The following SLC9C1 variants were observed in gnomAD, a reference collection of about 807,000 sequenced individuals.
SLC9C1 encodes solute carrier family 9 member C1, also known as sodium/hydrogen exchanger 10.
A neutral mutation model predicts 140.9 loss-of-function variants in SLC9C1; 97 were observed. That is an observed-to-expected ratio of 0.69 (90% CI 0.58 to 0.82). The LOEUF is 0.82. Ranked by LOEUF, SLC9C1 falls within the 40% of genes least tolerant of loss-of-function variation. SLC9C1 has a pLI of 0.00. For missense variants in SLC9C1, 1,340 were observed against 1,389.3 expected, an observed-to-expected ratio of 0.96 and a Z score of 0.56; for synonymous variants, 440 against 442.6, an observed-to-expected ratio of 0.99 and a Z score of 0.07.
intron 2 of SLC9C1, among the ~76,000 whole-genome samples, chr3:112,284,964 T>C (rs1658721252): frequency 6.7e-6 from 1 of 149,492 alleles, no homozygotes; most frequent in Non-Finnish European, 1.5e-5. Flanking sequence ...TTTTACATTA[T>C]TAGAAAAAAA....
intron 14 of SLC9C1, among the ~76,000 whole-genome samples, chr3:112,219,787 G>A (rs1047210564): frequency 6.6e-6 from 1 of 151,940 alleles, no homozygotes; most frequent in Admixed American, 6.6e-5. Context: ...CACCATATTG[G>A]TCAGGCTGGT....
chr3:112,231,391 C>A lies in SLC9C1; in HGVS notation c.1542G>T (p.Leu514=), dbSNP rs1188137701. The change falls in exon 13 of 29, where the codon CTG becomes CTT. Residue 514 remains leucine, a synonymous_variant. Transcript: ENST00000305815. ...DEIFNTEAME[L]ANRRLLSAQI... is the part of the protein sequence containing the mutation. ...GTGCTGACAAGAGACGCCTGTTGGC[C>A]AGCTCCATTGCTTCAGTGTTAAAGA... 3 of 1,613,316 alleles carry A rather than the reference C, an allele frequency of 1.9e-6. No homozygotes were observed. Among genetic ancestry groups the A allele is most frequent in the South Asian group, 2.2e-5 (2 of 91,036 alleles).
chr3:112,238,883 C>T (rs983566676), intron 12 of SLC9C1, among the ~76,000 whole-genome samples: 13 of 152,280 alleles, frequency 8.5e-5, no homozygotes, highest in South Asian at 2.1e-4. Context: ...GGGTGCCTCC[C>T]GGTTAGGCTA....
At chr3:112,259,594 G>A (rs1453497301) in intron 10 of SLC9C1, among the ~76,000 whole-genome samples, 2 of 152,022 alleles carry the variant, frequency 1.3e-5, no homozygotes. Context: ...TGGACACAAG[G>A]AAGAAAACAA....
chr3:112,289,002 A>C (rs2080599620), intron 1 of SLC9C1, among the ~76,000 whole-genome samples: 1 of 152,138 alleles, frequency 6.6e-6, no homozygotes, highest in South Asian at 2.1e-4. Context: ...GATTTAATTC[A>C]GTCTGGTTTG....
intron 20 of SLC9C1, among the ~76,000 whole-genome samples, chr3:112,187,388 T>C (rs894288710): frequency 6.6e-6 from 1 of 152,206 alleles, no homozygotes. Flanking sequence ...CTTCTCACCA[T>C]GGTCAAATGA....
chr3:112,235,042 C>T (rs912752547), intron 12 of SLC9C1, among the ~76,000 whole-genome samples: 18 of 151,252 alleles, frequency 1.2e-4, no homozygotes, highest in African/African-American at 4.4e-4. Flanking sequence ...ATGGGGATGG[C>T]ATTGAATCTA....
rs1414361406 is a variant in SLC9C1 at position 112,141,167 on chromosome 3, A to T, written c.*105T>A. ...TTAGCACCAAGATCATCCACACAGG[A>T]TCCAACCTGAAGTTACTCCTTCTTG... On this transcript the variant is annotated 3_prime_UTR_variant, in exon 29 of 29. Transcript: ENST00000305815. 8.2e-7 allele frequency: 1 copy of T among 1,216,494 alleles called. No individual in the cohort carries two copies. Among genetic ancestry groups the T allele is most frequent in the East Asian group, 2.8e-5 (1 of 35,798 alleles). 75.4% of individuals were successfully genotyped at this position (1,216,494 alleles called of 1,614,324 possible).
At chr3:112,220,812 G>T (rs1442318510) in intron 14 of SLC9C1, among the ~76,000 whole-genome samples, 1 of 151,760 alleles carries the variant, frequency 6.6e-6, no homozygotes, top group African/African-American at 2.4e-5. Context: ...CATTCAAATT[G>T]TCTAAAAGGA....
chr3:112,162,074 C>T (rs1201954145), intron 26 of SLC9C1, among the ~76,000 whole-genome samples: 2 of 152,128 alleles, frequency 1.3e-5, no homozygotes, highest in Non-Finnish European at 2.9e-5. Context: ...CTCTGTTTGT[C>T]TGTTGTTGGT....
chr3:112,233,891 T>G (rs557503630), intron 12 of SLC9C1, among the ~76,000 whole-genome samples: 176 of 152,314 alleles, frequency 1.2e-3, no homozygotes, highest in South Asian at 8.1e-3. Flanking sequence ...TGTTGGACAT[T>G]TGGGTTGGTT....
At chr3:112,180,040 A>G (rs770266795) in intron 22 of SLC9C1, among the ~76,000 whole-genome samples, 4 of 152,178 alleles carry the variant, frequency 2.6e-5, no homozygotes, top group African/African-American at 9.7e-5. Flanking sequence ...GTTTCCTGTT[A>G]TCTGTGAGAA....
At chr3:112,165,139 T>G (rs1378714770) in intron 26 of SLC9C1, among the ~76,000 whole-genome samples, 1 of 152,264 alleles carries the variant, frequency 6.6e-6, no homozygotes, top group Admixed American at 6.5e-5. Flanking sequence ...CTTTAAGGAC[T>G]TCTCTGCATT....
intron 2 of SLC9C1, among the ~76,000 whole-genome samples, chr3:112,283,004 G>C (rs1033459999): frequency 2.6e-4 from 40 of 152,230 alleles, no homozygotes; most frequent in Admixed American, 4.6e-4. Context: ...TGAAATAAAT[G>C]CATTCAGAAA....
chr3:112,210,284 G>A (rs2078165774), intron 15 of SLC9C1, among the ~76,000 whole-genome samples: 2 of 152,158 alleles, frequency 1.3e-5, no homozygotes, highest in Non-Finnish European at 1.5e-5. Flanking sequence ...ACTGATGAAT[G>A]GGTAAATAAA....
chr3:112,151,355 C>T (rs2107853769), intron 28 of SLC9C1: 1 of 519,040 alleles, frequency 1.9e-6, no homozygotes, highest in East Asian at 5.4e-5. Flanking sequence ...TATCCTCTTC[C>T]TTTCTTTACA....
intron 20 of SLC9C1, among the ~76,000 whole-genome samples, chr3:112,190,964 C>CAT (rs796600459): frequency 1.8e-3 from 162 of 89,122 alleles, no homozygotes; most frequent in African/African-American, 2.9e-3. Flanking sequence ...CACACACACA[C>CAT]ATATATATAT....
intron 28 of SLC9C1, among the ~76,000 whole-genome samples, chr3:112,148,861 T>C (rs2074878861): frequency 6.6e-6 from 1 of 152,100 alleles, no homozygotes; most frequent in Non-Finnish European, 1.5e-5. Flanking sequence ...GAGAATCCAG[T>C]GAGTGTCCAC....
intron 1 of SLC9C1, among the ~76,000 whole-genome samples, chr3:112,287,441 A>G (rs1344242455): frequency 1.3e-5 from 2 of 152,228 alleles, no homozygotes; most frequent in Admixed American, 6.5e-5. Flanking sequence ...CTCTAAATTT[A>G]TATGTGTATA....
Sources: allele counts gnomAD v4.1 joint callset (sites outside exome capture counted in the v4.1 genomes callset), GRCh38; gene constraint gnomAD v4.1.1; transcripts MANE v1.5; gene names NCBI Gene and HGNC (gene_info 2026-07-23, HGNC 2026-07-21).